The following BUB3 variants were observed in gnomAD, a reference collection of about 807,000 sequenced individuals.
The protein encoded by BUB3 is BUB3 mitotic checkpoint protein.
In BUB3, 22 loss-of-function variants were observed where a neutral mutation model predicts 39.9. The ratio of observed to expected loss-of-function variants is 0.55; its 90% confidence interval spans 0.39 to 0.79. The LOEUF (loss-of-function observed/expected upper bound fraction) is 0.79, where lower values mean the gene tolerates loss of function less well. BUB3 is among the 30% of genes least tolerant of loss of function. The pLI, the probability that BUB3 is intolerant of heterozygous loss-of-function variation, is 0.00. For synonymous variants in BUB3, 168 were observed against 155.1 expected (o/e 1.08, Z -0.62); for missense variants, 303 against 415.4 (o/e 0.73, Z 2.35).
rs10510124 is a variant in BUB3 at position 123,158,358 on chromosome 10, C to G, written c.417+478C>G. Reference sequence around the variant, plus strand: ...TTTATGTTCCCTGGCTTGTACTGTTCGTATATTTATTTTTTAATACTGACA... The same window carrying G: ...TTTATGTTCCCTGGCTTGTACTGTTGGTATATTTATTTTTTAATACTGACA... On this transcript the variant is annotated intron_variant, in intron 4 of 7. Coordinates refer to ENST00000368865, the MANE Select transcript of BUB3 (RefSeq NM_004725.4). Among the ~76,000 whole-genome samples the G allele has an allele frequency of 9.2e-3, 1,397 of 152,204 alleles. 77 individuals are homozygous for G. The East Asian group carries it at 0.17, about 18-fold the overall frequency.
At chr10:123,157,237 A>G (rs1368485000) in intron 3 of BUB3, among the ~76,000 whole-genome samples, 1 of 152,248 alleles carries the variant, frequency 6.6e-6, no homozygotes, top group Non-Finnish European at 1.5e-5. Flanking sequence ...CCCTTTAGCC[A>G]TGTAAATAAG....
At chr10:123,161,334 C>T (rs1453291407) in intron 5 of BUB3, among the ~76,000 whole-genome samples, 1 of 152,146 alleles carries the variant, frequency 6.6e-6, no homozygotes, top group Non-Finnish European at 1.5e-5. Flanking sequence ...GCTTTTTAAC[C>T]TGCAAAGGCC....
Position 123,157,746 on chromosome 10 carries a change from C to A in BUB3, c.283C>A (p.His95Asn). The A allele has an allele frequency of 6.3e-7, 1 of 1,598,096 alleles. No individual in the cohort carries two copies. The highest frequency in any genetic ancestry group is 8.5e-7 in the Non-Finnish European group (1 of 1,171,718). ...NTDQENLVGT[H>N]DAPIRCVEYC... ...CTCTATAGAAAATCTTGTTGGGACC[C>A]ATGATGCCCCTATCAGATGTGTTGA... is the stretch of plus-strand genomic sequence containing the variant. Residue 95 changes from histidine to asparagine, a missense_variant, in exon 4 of 8, where the codon CAT becomes AAT. His to Asn is a moderately conservative substitution (Grantham distance 68). Transcript: ENST00000368865.
Position 123,164,668 on chromosome 10 carries a change from A to G in BUB3, c.*833A>G, listed in dbSNP as rs1844465918. The G allele has an allele frequency of 9.9e-7, 1 of 1,007,500 alleles. No individual in the cohort carries two copies. The highest frequency in any genetic ancestry group is 1.2e-6 in the Non-Finnish European group (1 of 844,312). The allele number at this position is 1,007,500 out of a possible 1,614,324, so 62.4% of individuals were successfully genotyped here. On this transcript the variant is annotated 3_prime_UTR_variant, in exon 8 of 8. Coordinates refer to ENST00000368865, the MANE Select transcript of BUB3 (RefSeq NM_004725.4). ...ATTTTTGGAAACATTAATGAGGTTT[A>G]CATATTTCTCTGACATTTATATAGT...
chr10:123,154,684 G>T (rs941181219), intron 1 of BUB3, among the ~76,000 whole-genome samples, 199 bp downstream of exon 1: 1 of 152,202 alleles, frequency 6.6e-6, no homozygotes, highest in African/African-American at 2.4e-5. Context: ...GCTGTGGGCC[G>T]GGCTGGGTTT....
chr10:123,154,773 C>A, intron 1 of BUB3, 145 bp from the exon 2 acceptor site: 1 of 846,894 alleles, frequency 1.2e-6, no homozygotes. Context: ...CCTTGGCGGG[C>A]GAGTGCTCGG....
chr10:123,162,252 C>G lies in BUB3; in HGVS notation c.593C>G (p.Ser198Cys). The G allele has an allele frequency of 1.2e-6, 2 of 1,613,898 alleles. No individual in the cohort carries two copies. The highest frequency in any genetic ancestry group is 1.7e-6 in the Non-Finnish European group (2 of 1,179,932). ...FPNKQGYVLS[S>C]IEGRVAVEYL... Reference sequence around the variant, plus strand: ...TCTTGGCAGGGTTATGTATTAAGCTCTATTGAAGGCCGAGTGGCAGTTGAG... The same window carrying G: ...TCTTGGCAGGGTTATGTATTAAGCTGTATTGAAGGCCGAGTGGCAGTTGAG... The change falls in exon 6 of 8, where the codon TCT becomes TGT. Residue 198 changes from serine to cysteine, a missense_variant. Ser to Cys is a moderately radical substitution (Grantham distance 112, BLOSUM62 -1). This residue lies in a region of BUB3 where 182 missense variants were observed against 293.1 expected (regional missense o/e 0.62). Transcript: ENST00000368865.
At chr10:123,158,156 C>T (rs1282850714) in intron 4 of BUB3, among the ~76,000 whole-genome samples, 2 of 152,186 alleles carry the variant, frequency 1.3e-5, no homozygotes, top group African/African-American at 4.8e-5. Flanking sequence ...AAGCAACTCA[C>T]TGCCTTTTCA....
In BUB3 at chr10:123,166,043, C is replaced by T. The variant is rs1844488503; in HGVS notation, c.*2208C>T. ...TTTTGTGGTTCCATCTGGATGTCCT[C>T]TTGTCTCTGGAAATCAAGTGTGCCT... is the stretch of plus-strand genomic sequence containing the variant. On this transcript the variant is annotated 3_prime_UTR_variant, in exon 8 of 8. Coordinates refer to ENST00000368865, the MANE Select transcript of BUB3 (RefSeq NM_004725.4). 1 of 152,196 alleles carries T rather than the reference C, an allele frequency of 6.6e-6. No individual in the cohort carries two copies. The highest frequency in any genetic ancestry group is 1.5e-5 in the Non-Finnish European group (1 of 68,052). The allele number at this position is 152,196 out of a possible 1,614,324, so 9.4% of individuals were successfully genotyped here.
chr10:123,167,826 G>A lies in BUB3; in HGVS notation c.*3991G>A, dbSNP rs567022049. 2.0e-5 allele frequency: 3 copies of A among 152,242 alleles called. No homozygotes were observed. The highest frequency in any genetic ancestry group is 3.9e-4 in the East Asian group (2 of 5,178). 9.4% of individuals were successfully genotyped at this position (152,242 alleles called of 1,614,324 possible). ...ATTGTATATATTTAAGGTATATAAT[G>A]TTTTGATACATGTATACATTGTGAA... On this transcript the variant is annotated 3_prime_UTR_variant, in exon 8 of 8. Coordinates refer to ENST00000368865, the MANE Select transcript of BUB3 (RefSeq NM_004725.4).
rs1844475952 is a variant in BUB3 at position 123,165,292 on chromosome 10, A to G, written c.*1457A>G. ...GTAAGCCCAGTTGCTGTATCTGAAC[A>G]GTTTGAGCTCTTTTTGTAATATACT... is the stretch of plus-strand genomic sequence containing the variant. On this transcript the variant is annotated 3_prime_UTR_variant, in exon 8 of 8. Coordinates refer to ENST00000368865, the MANE Select transcript of BUB3 (RefSeq NM_004725.4). 1 of 456,280 alleles carries G rather than the reference A, an allele frequency of 2.2e-6. No homozygotes were observed. The highest frequency in any genetic ancestry group is 2.0e-5 in the African/African-American group (1 of 51,112). 28.3% of individuals were successfully genotyped at this position (456,280 alleles called of 1,614,324 possible).
At chr10:123,155,773 C>A in intron 3 of BUB3, 46 bp downstream of exon 3, 1 of 1,564,786 alleles carries the variant, frequency 6.4e-7, no homozygotes, top group Non-Finnish European at 8.8e-7. Context: ...GGCTAGTGTT[C>A]TTAAGTATAA....
At chr10:123,163,020 T>C (rs1021597663) in intron 7 of BUB3, 192 bp downstream of exon 7, 42 of 579,434 alleles carry the variant, frequency 7.2e-5, no homozygotes, top group Admixed American at 5.9e-4. Flanking sequence ...TGGATAAAAT[T>C]GTGCCTAGTT....
intron 4 of BUB3, 81 bp from the exon 5 acceptor site, chr10:123,160,326 T>G: frequency 1.5e-6 from 2 of 1,306,498 alleles, no homozygotes; most frequent in Non-Finnish European, 2.1e-6. Context: ...GGTCTTATGA[T>G]CAGATGGACT....
At chr10:123,157,397 T>TAA (rs1182331309) in intron 3 of BUB3, among the ~76,000 whole-genome samples, 3 of 152,188 alleles carry the variant, frequency 2.0e-5, no homozygotes, top group African/African-American at 7.2e-5. Context: ...ATCACAGAGG[T>TAA]AAACGCAGTT....
chr10:123,156,753 G>GTTTTTTGTTTTTTTTTTT (rs1844352719), intron 3 of BUB3, among the ~76,000 whole-genome samples: 2 of 135,118 alleles, frequency 1.5e-5, no homozygotes, highest in African/African-American at 5.6e-5. Flanking sequence ...TTTCTTTCTT[G>GTTTTTTGTTTTTTTTTTT]TTTTTTTTTT....
Position 123,166,539 on chromosome 10 carries a change from T to A in BUB3, c.*2704T>A, listed in dbSNP as rs1280944861. The A allele has an allele frequency of 1.3e-5, 2 of 152,218 alleles. No individual in the cohort carries two copies. Among genetic ancestry groups the A allele is most frequent in the African/African-American group, 4.8e-5 (2 of 41,452 alleles). 9.4% of individuals were successfully genotyped at this position (152,218 alleles called of 1,614,324 possible). A position where few individuals can be genotyped will look rare whatever the true frequency, so the allele number is the denominator to read the frequency against. On this transcript the variant is annotated 3_prime_UTR_variant, in exon 8 of 8. Coordinates refer to ENST00000368865, the MANE Select transcript of BUB3 (RefSeq NM_004725.4). Reference sequence around the variant, plus strand: ...ACAACAAATGCCTGTCACCTGTAATTTGCAAAAACTGCTTGATCAGATTCT... The same window carrying A: ...ACAACAAATGCCTGTCACCTGTAATATGCAAAAACTGCTTGATCAGATTCT...
chr10:123,164,224 GT>G lies in BUB3; in HGVS notation c.*392del, dbSNP rs1174077235. On this transcript the variant is annotated 3_prime_UTR_variant, in exon 8 of 8. Coordinates refer to ENST00000368865, the MANE Select transcript of BUB3 (RefSeq NM_004725.4). ...AGAGGAAAAGGCTCGTGAGCCATTT[GT>G]TTCTTTTGCTGGTTATAGTTGCTAA... 1.0e-6 allele frequency: 1 copy of G among 993,190 alleles called. No homozygotes were observed. Among genetic ancestry groups the G allele is most frequent in the African/African-American group, 1.7e-5 (1 of 57,464 alleles). The allele number at this position is 993,190 out of a possible 1,614,324, so 61.5% of individuals were successfully genotyped here. A position where few individuals can be genotyped will look rare whatever the true frequency, so the allele number is the denominator to read the frequency against.
In BUB3 at chr10:123,162,664, G is replaced by A. The variant is rs887330972; in HGVS notation, c.807G>A (p.Leu269=). Residue 269 remains leucine (L), a synonymous_variant, in exon 7 of 8, where the codon CTG becomes CTA. Coordinates refer to ENST00000368865, the MANE Select transcript of BUB3 (RefSeq NM_004725.4). ...GGGATCCATTTAACAAAAAGCGACT[G>A]TGCCAATTCCATCGGTACCCCACGA... ...NIWDPFNKKR[L]CQFHRYPTSI... 2 of 1,604,144 alleles carry A rather than the reference G, an allele frequency of 1.2e-6. No individual in the cohort carries two copies. Among genetic ancestry groups the A allele is most frequent in the Non-Finnish European group, 1.7e-6 (2 of 1,177,796 alleles).
Sources: gnomAD v4.1 joint callset for allele counts (sites outside exome capture counted in the v4.1 genomes callset) on GRCh38, gnomAD v4.1.1 for gene constraint, gnomAD v4.1.1 regional missense constraint, MANE v1.5 for transcripts, NCBI Gene and HGNC (gene_info 2026-07-23, HGNC 2026-07-21) for gene names.